The following PRKD1 variants were observed in gnomAD, a reference collection of about 807,000 sequenced individuals.
PRKD1 encodes serine/threonine-protein kinase D1.
Under a neutral mutation model 95.9 loss-of-function variants are expected in PRKD1, and 63 were observed. The observed-to-expected ratio is 0.66, with a 90% CI of 0.54 to 0.81. The LOEUF (loss-of-function observed/expected upper bound fraction) is 0.81, where lower values mean the gene tolerates loss of function less well. Ranked by LOEUF, PRKD1 falls within the 30% of genes least tolerant of loss-of-function variation. PRKD1 has a pLI of 0.00. For synonymous variants in PRKD1, 425 were observed against 423.1 expected (o/e 1.00, Z -0.05); for missense variants, 1,048 against 1,165.3 (o/e 0.90, Z 1.47).
At chr14:29,735,832 G>A (rs1371904512) in intron 1 of PRKD1, among the ~76,000 whole-genome samples, 1 of 152,002 alleles carries the variant, frequency 6.6e-6, no homozygotes, top group Admixed American at 6.6e-5. Flanking sequence ...TAAATAATTT[G>A]GTGTTCGAGT....
chr14:29,927,703 G>T lies in PRKD1; in HGVS notation c.-191C>A, dbSNP rs899556392. The T allele has an allele frequency of 5.4e-5, 12 of 222,138 alleles. No individual in the cohort carries two copies. Among genetic ancestry groups the T allele is most frequent in the Non-Finnish European group, 8.3e-5 (10 of 121,196 alleles). 13.8% of individuals were successfully genotyped at this position (222,138 alleles called of 1,614,324 possible). ...GATCGGGAGGGGAGGGGACTAAGGG[G>T]AGGAGATGGGGAGGAGGGAAAATGG... On this transcript the variant is annotated 5_prime_UTR_variant, in exon 1 of 18. Coordinates refer to ENST00000331968, the MANE Select transcript of PRKD1 (RefSeq NM_002742.3).
intron 1 of PRKD1, among the ~76,000 whole-genome samples, chr14:29,755,297 T>C (rs894807790): frequency 2.6e-4 from 40 of 152,176 alleles, no homozygotes; most frequent in African/African-American, 8.4e-4. Flanking sequence ...TACTACTTTT[T>C]TCTTGTTTCA....
chr14:29,754,946 C>T (rs1566581409), intron 1 of PRKD1, among the ~76,000 whole-genome samples: 2 of 152,046 alleles, frequency 1.3e-5, no homozygotes, highest in Non-Finnish European at 1.5e-5. Context: ...TTCTTATATA[C>T]ATTATCTATT....
intron 2 of PRKD1, among the ~76,000 whole-genome samples, chr14:29,708,629 G>T (rs1284500977): frequency 2.0e-5 from 3 of 152,162 alleles, no homozygotes; most frequent in Non-Finnish European, 4.4e-5. Context: ...GAAGCAGGTG[G>T]ATCCTTTCAG....
chr14:29,877,980 T>C (rs1305812662), intron 1 of PRKD1, among the ~76,000 whole-genome samples: 3 of 152,176 alleles, frequency 2.0e-5, no homozygotes, highest in African/African-American at 4.8e-5. Flanking sequence ...ATAAGAAGAA[T>C]GAGATCCTGT....
At chr14:29,645,856 C>T (rs546979729) in intron 4 of PRKD1, among the ~76,000 whole-genome samples, 1 of 152,062 alleles carries the variant, frequency 6.6e-6, no homozygotes, top group African/African-American at 2.4e-5. Flanking sequence ...TTATTGCTTA[C>T]CCCCACTCCT....
chr14:29,725,315 C>G (rs952059097), intron 2 of PRKD1, among the ~76,000 whole-genome samples: 1 of 152,062 alleles, frequency 6.6e-6, no homozygotes, highest in Non-Finnish European at 1.5e-5. Context: ...TGGGAGGAAG[C>G]CTTAAGTCAA....
chr14:29,606,158 G>T (rs1213312812), intron 13 of PRKD1, among the ~76,000 whole-genome samples: 4 of 151,972 alleles, frequency 2.6e-5, no homozygotes, highest in Non-Finnish European at 4.4e-5. Context: ...GATTACAGGT[G>T]CCCGCCACCA....
In PRKD1 at chr14:29,794,124, C is replaced by T. The variant is rs988973124; in HGVS notation, c.265-68450G>A. On this transcript the variant is annotated intron_variant, in intron 1 of 17. Transcript: ENST00000331968. ...TCACCTATAATTTTAGATTACAATG[C>T]TGATTCTATAAAAGGAGGCTCAGAA... is the stretch of plus-strand genomic sequence containing the variant. 5.9e-5 allele frequency among the ~76,000 whole-genome samples: 9 copies of T among 152,146 alleles called. No individual in the cohort carries two copies. In the South Asian group the frequency reaches 1.2e-3, roughly 21 times the overall value.
At chr14:29,731,480 C>T (rs1886432024) in intron 1 of PRKD1, among the ~76,000 whole-genome samples, 1 of 152,088 alleles carries the variant, frequency 6.6e-6, no homozygotes. Flanking sequence ...TTCAGATTTT[C>T]TATTTGCTTA....
At chr14:29,884,715 T>C (rs1893634040) in intron 1 of PRKD1, among the ~76,000 whole-genome samples, 1 of 152,200 alleles carries the variant, frequency 6.6e-6, no homozygotes, top group African/African-American at 2.4e-5. Flanking sequence ...TATTATGGCA[T>C]ACAAGTAGTT....
intron 1 of PRKD1, among the ~76,000 whole-genome samples, chr14:29,926,914 A>G (rs1230292015): frequency 6.6e-6 from 1 of 151,924 alleles, no homozygotes; most frequent in Non-Finnish European, 1.5e-5. Context: ...GGGGAAGAAA[A>G]CTGGGAAGTC....
intron 16 of PRKD1, among the ~76,000 whole-genome samples, chr14:29,594,992 CTT>C (rs113886267): frequency 9.6e-5 from 14 of 145,696 alleles, no homozygotes; most frequent in African/African-American, 1.3e-4. Flanking sequence ...AGCTAGGTAA[CTT>C]TTTTTTTTTT....
intron 1 of PRKD1, among the ~76,000 whole-genome samples, chr14:29,927,017 G>A (rs1895324955): frequency 6.6e-6 from 1 of 152,038 alleles, no homozygotes; most frequent in African/African-American, 2.4e-5. Context: ...GCGGACTGGA[G>A]AGAAATCGGT....
chr14:29,843,686 A>G (rs1891961772), intron 1 of PRKD1, among the ~76,000 whole-genome samples: 1 of 152,236 alleles, frequency 6.6e-6, no homozygotes, highest in African/African-American at 2.4e-5. Context: ...GACTTCAGTA[A>G]GCAAAAGCAG....
At chr14:29,843,221 G>A (rs1289971125) in intron 1 of PRKD1, among the ~76,000 whole-genome samples, 1 of 152,192 alleles carries the variant, frequency 6.6e-6, no homozygotes, top group African/African-American at 2.4e-5. Context: ...GAAAGACCAT[G>A]TGAAGATACA....
intron 13 of PRKD1, among the ~76,000 whole-genome samples, chr14:29,602,360 C>T (rs1180705210): frequency 6.6e-6 from 1 of 151,788 alleles, no homozygotes; most frequent in Non-Finnish European, 1.5e-5. Context: ...GACGCAATGA[C>T]TGGGGAGTCC....
chr14:29,590,118 C>T (rs1057099823), intron 16 of PRKD1, among the ~76,000 whole-genome samples: 1 of 152,146 alleles, frequency 6.6e-6, no homozygotes, highest in African/African-American at 2.4e-5. Context: ...ATTTTAAGTA[C>T]ATTTTACAAA....
chr14:29,737,293 C>A (rs1019512881), intron 1 of PRKD1, among the ~76,000 whole-genome samples: 2 of 124,394 alleles, frequency 1.6e-5, no homozygotes, highest in Admixed American at 1.0e-4. Context: ...CTGCAGTCCG[C>A]AGTCCGGCCT....
Sources: allele counts gnomAD v4.1 joint callset (sites outside exome capture counted in the v4.1 genomes callset), GRCh38; gene constraint gnomAD v4.1.1; transcripts MANE v1.5; gene names NCBI Gene and HGNC (gene_info 2026-07-23, HGNC 2026-07-21).